The following JAG1 variants were observed in gnomAD, a reference collection of about 807,000 sequenced individuals.
The protein encoded by JAG1 is protein jagged-1.
JAG1 carries 23 observed loss-of-function variants against 148.7 expected under a neutral mutation model. The observed-to-expected ratio is 0.15, with a 90% confidence interval of 0.11 to 0.22. The LOEUF (loss-of-function observed/expected upper bound fraction) is 0.22, where lower values mean the gene tolerates loss of function less well. Ranked by LOEUF, JAG1 falls within the 10% of genes least tolerant of loss-of-function variation. The pLI is 1.00. For missense variants in JAG1, 1,054 were observed against 1,611.2 expected (o/e 0.65, Z 5.92); for synonymous variants, 572 against 598.3 (o/e 0.96, Z 0.64).
intron 2 of JAG1, among the ~76,000 whole-genome samples, chr20:10,665,178 G>C (rs1478193484): frequency 6.6e-6 from 1 of 152,156 alleles, no homozygotes; most frequent in Admixed American, 6.5e-5. Flanking sequence ...GCACCTATAA[G>C]ATAAAGGAAA....
chr20:10,662,515 G>C (rs1369583488), intron 3 of JAG1: 2 of 152,356 alleles, frequency 1.3e-5, no homozygotes, highest in African/African-American at 4.8e-5. Flanking sequence ...ATAGCTAAAA[G>C]GGAGGGGAAA....
chr20:10,664,149 T>C (rs1029510813), intron 2 of JAG1, 135 bp from the exon 3 acceptor site: 4 of 754,556 alleles, frequency 5.3e-6, no homozygotes, highest in African/African-American at 1.7e-5. Context: ...GGTTGTTGCA[T>C]TGAGTTCCTG....
chr20:10,673,391 G>C lies in JAG1; in HGVS notation c.81+59C>G. 1 of 1,267,434 alleles carries C rather than the reference G, an allele frequency of 7.9e-7. No individual in the cohort carries two copies. Among genetic ancestry groups the C allele is most frequent in the South Asian group, 1.6e-5 (1 of 63,418 alleles). 78.5% of individuals were successfully genotyped at this position (1,267,434 alleles called of 1,614,324 possible). ...CCTGCTCGCGGGGCTCAACCGCCCA[G>C]GGCGCCGCGAGGGGAGGGAGAGGAC... On this transcript the variant is annotated intron_variant, in intron 1 of 25. Transcript: ENST00000254958. This position sits in a 1 kb window ranked among gnomAD's most constrained non-coding sequence, Gnocchi z 4.7.
chr20:10,670,575 C>G (rs1334312769), intron 2 of JAG1, among the ~76,000 whole-genome samples: 1 of 152,172 alleles, frequency 6.6e-6, no homozygotes, highest in East Asian at 1.9e-4. Context: ...TTGAAAGTTA[C>G]GGACTGTGCC....
In JAG1 at chr20:10,639,138, T is replaced by C; in HGVS notation, c.*360A>G. The C allele has an allele frequency of 3.4e-6, 1 of 293,836 alleles. No individual in the cohort carries two copies. Among genetic ancestry groups the C allele is most frequent in the East Asian group, 7.4e-5 (1 of 13,468 alleles). The allele number at this position is 293,836 out of a possible 1,614,324, so 18.2% of individuals were successfully genotyped here. ...TATACAAAAACAACTCAAGAGTCAA[T>C]AAATATAAATAAAACTATGATCTAA... is the stretch of plus-strand genomic sequence containing the variant. On this transcript the variant is annotated 3_prime_UTR_variant, in exon 26 of 26. Coordinates refer to ENST00000254958, the MANE Select transcript of JAG1 (RefSeq NM_000214.3).
intron 14 of JAG1, among the ~76,000 whole-genome samples, chr20:10,646,601 C>T (rs1406123458): frequency 1.3e-5 from 2 of 151,502 alleles, no homozygotes; most frequent in African/African-American, 4.8e-5. Context: ...TCATCTGAGG[C>T]TGGGAGTTCG....
chr20:10,673,556 C>T lies in JAG1; in HGVS notation c.-26G>A, dbSNP rs1163132055. 3 of 1,214,838 alleles carry T rather than the reference C, an allele frequency of 2.5e-6. No homozygotes were observed. In the East Asian group the frequency reaches 9.9e-5, roughly 40 times the overall value. The allele number at this position is 1,214,838 out of a possible 1,614,324, so 75.3% of individuals were successfully genotyped here. Reference sequence around the variant, plus strand: ...CGCTGCGCCGCGCGCCGCGGGCACTCGGGACGCCGCCGCTGCTGTTCGCGC... The same window carrying T: ...CGCTGCGCCGCGCGCCGCGGGCACTTGGGACGCCGCCGCTGCTGTTCGCGC... On this transcript the variant is annotated 5_prime_UTR_variant, in exon 1 of 26. Coordinates refer to ENST00000254958, the MANE Select transcript of JAG1 (RefSeq NM_000214.3). The surrounding 1 kb of genome is among the most constrained non-coding windows in gnomAD (Gnocchi z 4.7).
chr20:10,648,558 G>A lies in JAG1; in HGVS notation c.1560C>T (p.Asn520=). 1.2e-6 allele frequency: 2 copies of A among 1,613,514 alleles called. No individual in the cohort carries two copies. The highest frequency in any genetic ancestry group is 8.5e-7 in the Non-Finnish European group (1 of 1,180,004). ...QCLCPTGFSG[N]LCQLDIDYCE... ...TTTTGCCACCACTCACCTGACAGAG[G>A]TTTCCAGAGAAACCAGTGGGACACA... Residue 520 remains asparagine, a synonymous_variant, in exon 12 of 26, where the codon AAC becomes AAT. Coordinates refer to ENST00000254958, the MANE Select transcript of JAG1 (RefSeq NM_000214.3).
intron 2 of JAG1, 31 bp downstream of exon 2, chr20:10,672,647 GGCCAGGCGCGGGTGTGAGGCTCC>G: frequency 6.4e-7 from 1 of 1,566,594 alleles, no homozygotes; most frequent in Non-Finnish European, 8.7e-7. Flanking sequence ...AACAGGGCTC[GGCCAGGCGCGGGTGTGAGGCTCC>G]GCCCGGCCTC....
In JAG1 at chr20:10,673,756, G is replaced by A; in HGVS notation, c.-226C>T. On this transcript the variant is annotated 5_prime_UTR_variant, in exon 1 of 26. Transcript: ENST00000254958. This position sits in a 1 kb window ranked among gnomAD's most constrained non-coding sequence, Gnocchi z 4.7. ...GAGCCCGGCCTCCTTTTATTATTCTGATCGCTTCTTTGAGACGCTCCCCCT... is the reference window on the plus strand; with the variant it reads ...GAGCCCGGCCTCCTTTTATTATTCTAATCGCTTCTTTGAGACGCTCCCCCT... 1 of 243,094 alleles carries A rather than the reference G, an allele frequency of 4.1e-6. No individual in the cohort carries two copies. Among genetic ancestry groups the A allele is most frequent in the Non-Finnish European group, 7.8e-6 (1 of 129,028 alleles). The allele number at this position is 243,094 out of a possible 1,614,324, so 15.1% of individuals were successfully genotyped here.
In JAG1 at chr20:10,672,904, C is replaced by T. The variant is rs752774309; in HGVS notation, c.184G>A (p.Gly62Arg). Reference sequence around the variant, plus strand: ...TCGTCGCGGGTGCACTTGCGGTCTCCCGGGTTCCGGGCGCCGCCGCAGCAG... The same window carrying T: ...TCGTCGCGGGTGCACTTGCGGTCTCTCGGGTTCCGGGCGCCGCCGCAGCAG... ...GNCCGGARNP[G>R]DRKCTRDECD... is the part of the protein sequence containing the mutation. The change falls in exon 2 of 26, where the codon GGA becomes AGA. Residue 62 changes from glycine to arginine, a missense_variant. Physicochemically the swap from Gly to Arg is moderately radical, Grantham distance 125 (BLOSUM62 -2). This residue lies in a region of JAG1 where 151 missense variants were observed against 211.1 expected (regional missense o/e 0.72). Transcript: ENST00000254958. 2 of 1,613,090 alleles carry T rather than the reference C, an allele frequency of 1.2e-6. No individual in the cohort carries two copies. Among genetic ancestry groups the T allele is most frequent in the African/African-American group, 2.7e-5 (2 of 74,938 alleles).
intron 9 of JAG1, among the ~76,000 whole-genome samples, chr20:10,650,039 C>T (rs186546793): frequency 8.3e-4 from 126 of 152,330 alleles, no homozygotes; most frequent in Admixed American, 3.5e-3. Context: ...TTCAAGGAAT[C>T]CCACGACTTT....
chr20:10,647,939 G>T (rs2067320516), intron 13 of JAG1, 21 bp downstream of exon 13: 2 of 1,613,564 alleles, frequency 1.2e-6, no homozygotes, highest in African/African-American at 1.3e-5. Flanking sequence ...AGACAGCCAG[G>T]TCCCGGGAGA....
Position 10,656,378 on chromosome 20 carries a change from C to T in JAG1, c.755+20G>A. On this transcript the variant is annotated intron_variant, in intron 5 of 25. Coordinates refer to ENST00000254958, the MANE Select transcript of JAG1 (RefSeq NM_000214.3). ...TAAAGGAAAATTAAAAGAAATCTCA[C>T]AAAAGACCAGTTGATTTACCTGCAG... The T allele has an allele frequency of 1.2e-6, 2 of 1,600,356 alleles. No individual in the cohort carries two copies. Among genetic ancestry groups the T allele is most frequent in the Non-Finnish European group, 1.7e-6 (2 of 1,167,542 alleles).
intron 4 of JAG1, among the ~76,000 whole-genome samples, chr20:10,658,157 T>C (rs1356915257): frequency 6.6e-6 from 1 of 152,198 alleles, no homozygotes; most frequent in African/African-American, 2.4e-5. Flanking sequence ...CCTATGTCTG[T>C]CAATCACTGA....
rs58852175 is a variant in JAG1, at chr20:10,668,092, T to TA, written c.388-4079dup. On this transcript the variant is annotated intron_variant, in intron 2 of 25. Coordinates refer to ENST00000254958, the MANE Select transcript of JAG1 (RefSeq NM_000214.3). Reference sequence around the variant, plus strand: ...CCAATGGTAGATGTCACTGGCACCATAAAAAAAAAAAAAAAAAAAAAAAAC... The same window carrying TA: ...CCAATGGTAGATGTCACTGGCACCATAAAAAAAAAAAAAAAAAAAAAAAAAC... Among the ~76,000 whole-genome samples, 972 of 107,186 alleles carry TA rather than the reference T, an allele frequency of 9.1e-3. 22 individuals are homozygous for TA. The highest frequency in any genetic ancestry group is 0.029 in the African/African-American group (798 of 27,454). The allele number at this position is 107,186 out of a possible 152,430, so 70.3% of individuals were successfully genotyped here. A position where few individuals can be genotyped will look rare whatever the true frequency, so the allele number is the denominator to read the frequency against.
At chr20:10,644,534 C>T (rs975967167) in intron 18 of JAG1, 150 bp from the exon 19 acceptor site, 15 of 714,992 alleles carry the variant, frequency 2.1e-5, no homozygotes, top group South Asian at 6.1e-5. Context: ...GAACCAGGCC[C>T]GCACCACACT....
chr20:10,640,481 T>C (rs2067262899), intron 25 of JAG1, among the ~76,000 whole-genome samples: 1 of 152,240 alleles, frequency 6.6e-6, no homozygotes, highest in Non-Finnish European at 1.5e-5. Context: ...TCAGGCTTTG[T>C]ACAGCTTCAA....
chr20:10,655,342 G>A (rs1023068121), intron 5 of JAG1, among the ~76,000 whole-genome samples: 6 of 152,132 alleles, frequency 3.9e-5, no homozygotes, highest in Non-Finnish European at 5.9e-5. Context: ...GATGTGGGAC[G>A]GAGCCCACGA....
Sources: allele counts gnomAD v4.1 joint callset (sites outside exome capture counted in the v4.1 genomes callset), GRCh38; gene constraint gnomAD v4.1.1; regional missense constraint gnomAD v4.1.1; non-coding constraint Gnocchi (gnomAD v3.1); transcripts MANE v1.5; gene names NCBI Gene and HGNC (gene_info 2026-07-23, HGNC 2026-07-21).